The following PARP12 variants were observed in gnomAD, a reference collection of about 807,000 sequenced individuals.
PARP12 encodes poly(ADP-ribose) polymerase family member 12.
PARP12 carries 59 observed loss-of-function variants against 72.4 expected under a neutral mutation model. The observed-to-expected ratio is 0.81, with a 90% CI of 0.66 to 1.01. The LOEUF is 1.01. PARP12 is among the 50% of genes least tolerant of loss of function. The pLI, the probability that PARP12 is intolerant of heterozygous loss-of-function variation, is 0.00. For missense variants in PARP12, 851 were observed against 914.0 expected, an observed-to-expected ratio of 0.93 and a Z score of 0.89; for synonymous variants, 403 against 371.4, an observed-to-expected ratio of 1.09 and a Z score of -0.98.
chr7:140,058,008 A>C lies in PARP12; in HGVS notation c.353T>G (p.Leu118Trp). The change falls in exon 2 of 12, where the codon TTG (leucine) becomes TGG (tryptophan). Residue 118 changes from leucine to tryptophan, a missense_variant. By Grantham distance (61) the Leu-to-Trp change is moderately conservative. This residue lies in a region of PARP12 where 492 missense variants were observed against 489.3 expected (regional missense o/e 1.01). Coordinates refer to ENST00000263549, the MANE Select transcript of PARP12 (RefSeq NM_022750.4). ...CACACTCAGGTTGTGTTCGGTTGTC[A>C]AGCTGTGACTATTCCTACAGTTCTT... ...AGKNCRNSHS[L>W]TTEHNLSVLR... 6.2e-7 allele frequency: 1 copy of C among 1,614,226 alleles called. No individual in the cohort carries two copies. Among genetic ancestry groups the C allele is most frequent in the South Asian group, 1.1e-5 (1 of 91,088 alleles).
At chr7:140,049,514 C>T (rs1044301674) in intron 4 of PARP12, among the ~76,000 whole-genome samples, 1 of 152,140 alleles carries the variant, frequency 6.6e-6, no homozygotes, top group Non-Finnish European at 1.5e-5. Context: ...CCAGGGCATC[C>T]CAGTAGTCAA....
At chr7:140,052,855 A>T (rs747189688) in intron 4 of PARP12, among the ~76,000 whole-genome samples, 4 of 152,130 alleles carry the variant, frequency 2.6e-5, no homozygotes, top group Non-Finnish European at 4.4e-5. Flanking sequence ...CATGTAAATA[A>T]AAGTTAAACA....
At chr7:140,059,177 G>C (rs1256534064) in intron 1 of PARP12, among the ~76,000 whole-genome samples, 1 of 152,184 alleles carries the variant, frequency 6.6e-6, no homozygotes, top group Non-Finnish European at 1.5e-5. Context: ...TATTTACCAA[G>C]GAGGAGATGG....
At chr7:140,034,526 C>T (rs1051612774) in intron 7 of PARP12, 195 bp from the exon 8 acceptor site, 10 of 420,912 alleles carry the variant, frequency 2.4e-5, no homozygotes, top group Non-Finnish European at 3.9e-5. Flanking sequence ...CCTTAGGAGA[C>T]TGGGTTTAAT....
rs1219646943 is a variant in PARP12, at chr7:140,026,235, C to A, written c.1742G>T (p.Trp581Leu). The A allele has an allele frequency of 6.2e-7, 1 of 1,614,198 alleles. No individual in the cohort carries two copies. The highest frequency in any genetic ancestry group is 1.7e-5 in the Admixed American group (1 of 60,034). ...VDAICQQNFD[W>L]RVCGVHGTSY... Reference sequence around the variant, plus strand: ...AGTGCCATGAACACCACAGACCCGCCAGTCAAAGTTCTGCTGGCAGATGGC... The same window carrying A: ...AGTGCCATGAACACCACAGACCCGCAAGTCAAAGTTCTGCTGGCAGATGGC... The change falls in exon 11 of 12, where the codon TGG becomes TTG. Residue 581 changes from tryptophan to leucine, a missense_variant. Transcript: ENST00000263549.
At position 140,047,024 on chromosome 7, in the gene PARP12, A is replaced by C. The variant is rs759848530; in HGVS notation, c.863-17T>G. On this transcript the variant is annotated splice_polypyrimidine_tract_variant and intron_variant, in intron 4 of 11. Transcript: ENST00000263549. Reference sequence around the variant, plus strand: ...GGCACTTATCTGAAATAAAAACATAAAGGAGTAAGATAGCTGGGCAATACA... The same window carrying C: ...GGCACTTATCTGAAATAAAAACATACAGGAGTAAGATAGCTGGGCAATACA... 1.2e-6 allele frequency: 2 copies of C among 1,605,548 alleles called. No homozygotes were observed. Among genetic ancestry groups the C allele is most frequent in the East Asian group, 4.5e-5 (2 of 44,732 alleles).
At chr7:140,053,474 A>C (rs566458404) in intron 4 of PARP12, among the ~76,000 whole-genome samples, 2 of 152,312 alleles carry the variant, frequency 1.3e-5, no homozygotes, top group South Asian at 4.1e-4. Context: ...AGCATAAAAC[A>C]ATGTTTTTGG....
intron 9 of PARP12, among the ~76,000 whole-genome samples, chr7:140,027,851 T>C (rs889201480): frequency 6.6e-6 from 1 of 152,156 alleles, no homozygotes; most frequent in Non-Finnish European, 1.5e-5. Flanking sequence ...TGCCTTTTTT[T>C]TTTCTTGTCC....
intron 6 of PARP12, among the ~76,000 whole-genome samples, chr7:140,040,513 C>T (rs56356449): frequency 0.094 from 14,288 of 152,242 alleles, 946 homozygotes; most frequent in East Asian, 0.26. Flanking sequence ...CTCCTCCTTC[C>T]ATCAGCCAAT....
chr7:140,027,844 CTTT>C lies in PARP12; in HGVS notation c.1498-441_1498-439del, dbSNP rs375595503. Among the ~76,000 whole-genome samples, 10 of 150,004 alleles carry C rather than the reference CTTT, an allele frequency of 6.7e-5. 1 individual carries two copies. Among genetic ancestry groups the C allele is most frequent in the East Asian group, 3.9e-4 (2 of 5,124 alleles). On this transcript the variant is annotated intron_variant, in intron 9 of 11. Transcript: ENST00000263549. Reference sequence around the variant, plus strand: ...GAGGGTATCCCCTGGATGTCCCTGCCTTTTTTTTTTCTTGTCCCACACAGGTCA... The same window carrying C: ...GAGGGTATCCCCTGGATGTCCCTGCCTTTTTTTCTTGTCCCACACAGGTCA...
At chr7:140,055,290 G>C (rs937948024) in intron 3 of PARP12, among the ~76,000 whole-genome samples, 1 of 151,940 alleles carries the variant, frequency 6.6e-6, no homozygotes, top group Non-Finnish European at 1.5e-5. Context: ...ATCAGAATTG[G>C]GTACTAATAC....
chr7:140,044,373 C>G (rs372037995), intron 5 of PARP12, among the ~76,000 whole-genome samples: 1 of 151,968 alleles, frequency 6.6e-6, no homozygotes, highest in Non-Finnish European at 1.5e-5. Flanking sequence ...CCTTTTAAGA[C>G]GAGGGAAATT....
At chr7:140,055,625 G>A (rs896796738) in intron 3 of PARP12, among the ~76,000 whole-genome samples, 2 of 152,070 alleles carry the variant, frequency 1.3e-5, no homozygotes, top group Admixed American at 6.5e-5. Flanking sequence ...CTCTCCCGAC[G>A]ATGGTGACTG....
chr7:140,026,856 C>A (rs1815758584), intron 10 of PARP12, among the ~76,000 whole-genome samples: 1 of 152,202 alleles, frequency 6.6e-6, no homozygotes. Flanking sequence ...GATTCCTCCC[C>A]ACATAGACAG....
chr7:140,062,508 G>T lies in PARP12; in HGVS notation c.326+14C>A. On this transcript the variant is annotated intron_variant, in intron 1 of 11. Coordinates refer to ENST00000263549, the MANE Select transcript of PARP12 (RefSeq NM_022750.4). ...GGACCTCCGCCCGCCGTCGCTCCCGGCGCGGCGCCTTACCCGGCTCTCAGG... is the reference window on the plus strand; with the variant it reads ...GGACCTCCGCCCGCCGTCGCTCCCGTCGCGGCGCCTTACCCGGCTCTCAGG... 2.0e-6 allele frequency: 3 copies of T among 1,535,944 alleles called. No homozygotes were observed. Among genetic ancestry groups the T allele is most frequent in the Non-Finnish European group, 2.6e-6 (3 of 1,145,730 alleles).
chr7:140,025,972 C>T (rs1044387072), intron 11 of PARP12, among the ~76,000 whole-genome samples: 1 of 152,222 alleles, frequency 6.6e-6, no homozygotes, highest in Non-Finnish European at 1.5e-5. Context: ...AAGCAACACC[C>T]CAGCCTAGGC....
In PARP12 at chr7:140,054,664, T is replaced by A. The variant is rs770028402; in HGVS notation, c.860A>T (p.Gln287Leu). 69 of 1,610,642 alleles carry A rather than the reference T, an allele frequency of 4.3e-5. No individual in the cohort carries two copies. The East Asian group carries it at 1.5e-3, about 35-fold the overall frequency. Residue 287 changes from glutamine (Q) to leucine (L), a missense_variant and splice_region_variant, in exon 4 of 12, where the codon CAA becomes CTA. This residue lies in a region of PARP12 where 492 missense variants were observed against 489.3 expected (regional missense o/e 1.01). Coordinates refer to ENST00000263549, the MANE Select transcript of PARP12 (RefSeq NM_022750.4). ...LYHIRKSCSF[Q>L]DKCHRVHFHL... ...TGAAGGAGCCTCTTCCAACTTACCT[T>A]GAAAGCTACAACTTTTCCGGATATG...
At chr7:140,052,764 G>GTGTT (rs1228559348) in intron 4 of PARP12, among the ~76,000 whole-genome samples, 17 of 149,896 alleles carry the variant, frequency 1.1e-4, no homozygotes, top group South Asian at 2.1e-4. Context: ...GTGTGTGTGT[G>GTGTT]TGTGTAAAGC....
rs1218211329 is a variant in PARP12 at position 140,035,979 on chromosome 7, A to G, written c.1325-1648T>C. On this transcript the variant is annotated intron_variant, in intron 7 of 11. Transcript: ENST00000263549. ...GAGGAGGAGGAGGAGGACGAGGAGG[A>G]GGAGGAGGAGGAGGAGGAGGAGAAG... Among the ~76,000 whole-genome samples the G allele has an allele frequency of 1.1e-4, 8 of 75,728 alleles. 1 individual carries two copies. The highest frequency in any genetic ancestry group is 8.0e-4 in the African/African-American group (7 of 8,786). 49.7% of individuals were successfully genotyped at this position (75,728 alleles called of 152,430 possible).
Sources: allele counts gnomAD v4.1 joint callset (sites outside exome capture counted in the v4.1 genomes callset), GRCh38; gene constraint gnomAD v4.1.1; regional missense constraint gnomAD v4.1.1; transcripts MANE v1.5; gene names NCBI Gene and HGNC (gene_info 2026-07-23, HGNC 2026-07-21).